Variants in MBTD1 observed in about 807,000 individuals in gnomAD.
MBTD1 encodes the protein MBT domain-containing protein 1.
In MBTD1, 24 loss-of-function variants were observed where a neutral mutation model predicts 87.8. The ratio of observed to expected loss-of-function variants is 0.27; its 90% confidence interval spans 0.20 to 0.38. The LOEUF (loss-of-function observed/expected upper bound fraction) is 0.38. MBTD1 is among the 10% of genes least tolerant of loss of function. The pLI is 1.00. For synonymous variants in MBTD1, 237 were observed against 248.6 expected (o/e 0.95, Z 0.44); for missense variants, 436 against 760.2 (o/e 0.57, Z 5.02).
rs192246795 is a variant in MBTD1, at chr17:51,181,001, T to C, written c.1769-307A>G. ...TTGTACAAACAATGATGTAGTTCTT[T>C]CATGGTTCTGAAGTACAATCTTTTT... On this transcript the variant is annotated intron_variant, in intron 16 of 16. Coordinates refer to ENST00000586178, the MANE Select transcript of MBTD1 (RefSeq NM_017643.3). Among the ~76,000 whole-genome samples, 538 of 151,800 alleles carry C rather than the reference T, an allele frequency of 3.5e-3. 3 individuals carry two copies. The highest frequency in any genetic ancestry group is 6.8e-3 in the Middle Eastern group (2 of 294).
chr17:51,209,942 G>C (rs927460710), intron 6 of MBTD1, among the ~76,000 whole-genome samples: 3 of 152,168 alleles, frequency 2.0e-5, no homozygotes, highest in African/African-American at 7.2e-5. Context: ...ACTACTTACA[G>C]AATTTTCTGG....
At chr17:51,259,341 A>G (rs1312320403) in intron 1 of MBTD1, 135 bp from the exon 2 acceptor site, 15 of 946,844 alleles carry the variant, frequency 1.6e-5, no homozygotes, top group Non-Finnish European at 2.1e-5. Context: ...GCACGTGCCC[A>G]CCCCGCCCCC....
At chr17:51,200,061 G>A (rs1047169334) in intron 12 of MBTD1, among the ~76,000 whole-genome samples, 27 of 152,120 alleles carry the variant, frequency 1.8e-4, no homozygotes, top group African/African-American at 5.6e-4. Flanking sequence ...TCCTGACCTC[G>A]TGATCCGCTT....
chr17:51,204,091 A>C (rs2051659964), intron 7 of MBTD1, among the ~76,000 whole-genome samples, 166 bp from the exon 8 acceptor site: 1 of 152,218 alleles, frequency 6.6e-6, no homozygotes, highest in South Asian at 2.1e-4. Flanking sequence ...CTGATTTTGT[A>C]GATCTTGGGT....
chr17:51,201,766 T>C, intron 11 of MBTD1, 70 bp from the exon 12 acceptor site: 5 of 1,101,022 alleles, frequency 4.5e-6, no homozygotes, highest in East Asian at 4.7e-5. Flanking sequence ...ATATTACCAA[T>C]GTGAAAAGAT....
At position 51,206,862 on chromosome 17, in the gene MBTD1, A is replaced by G. The variant is rs1416166943; in HGVS notation, c.604+26T>C. On this transcript the variant is annotated intron_variant, in intron 7 of 16. Transcript: ENST00000586178. ...GGTTACAAGGATCTCTGCATTTTCT[A>G]CTAAACTATTATTCATGCTTTTCAC... The G allele has an allele frequency of 2.8e-6, 4 of 1,430,952 alleles. No homozygotes were observed. In the East Asian group the frequency reaches 9.1e-5, roughly 33 times the overall value. The allele number at this position is 1,430,952 out of a possible 1,614,324, so 88.6% of individuals were successfully genotyped here.
intron 12 of MBTD1, among the ~76,000 whole-genome samples, chr17:51,200,324 G>A (rs1350437096): frequency 1.3e-5 from 2 of 152,026 alleles, no homozygotes; most frequent in Admixed American, 6.6e-5. Context: ...CTACTCAGGA[G>A]GCTGAGGCAG....
chr17:51,228,609 A>T, intron 2 of MBTD1, among the ~76,000 whole-genome samples: 1 of 24,572 alleles, frequency 4.1e-5, no homozygotes, highest in Non-Finnish European at 8.0e-5. Context: ...AAAAAGGACA[A>T]AAAAAAAAAA....
intron 2 of MBTD1, among the ~76,000 whole-genome samples, chr17:51,252,325 C>T (rs1023834665): frequency 6.6e-6 from 1 of 152,068 alleles, no homozygotes; most frequent in Non-Finnish European, 1.5e-5. Context: ...CTTCTTTCTC[C>T]CCCCTCCCCA....
chr17:51,225,376 CAG>C (rs10550602), intron 2 of MBTD1, among the ~76,000 whole-genome samples, 167 bp from the exon 3 acceptor site: 77,354 of 150,840 alleles, frequency 0.51, 20,144 homozygotes, highest in South Asian at 0.65. Flanking sequence ...TGCTTTGAGA[CAG>C]AGTCTCGCTC....
chr17:51,219,421 A>G (rs550927540), intron 4 of MBTD1, among the ~76,000 whole-genome samples: 12 of 152,310 alleles, frequency 7.9e-5, no homozygotes, highest in African/African-American at 2.9e-4. Flanking sequence ...ATATGGTAAG[A>G]GAAGATAATT....
Position 51,252,738 on chromosome 17 carries a change from A to AAAAAAC in MBTD1, c.-49+6404_-49+6405insGTTTTT, listed in dbSNP as rs564493092. Among the ~76,000 whole-genome samples, 299 of 151,636 alleles carry AAAAAAC rather than the reference A, an allele frequency of 2.0e-3. 1 individual carries two copies. Among genetic ancestry groups the AAAAAAC allele is most frequent in the Non-Finnish European group, 3.5e-3 (236 of 67,826 alleles). ...GACAGAGTGAGACTCTGTCTCAAAA[A>AAAAAAC]AAAACAAAACAACAAAACAAAACCC... On this transcript the variant is annotated intron_variant, in intron 2 of 16. Coordinates refer to ENST00000586178, the MANE Select transcript of MBTD1 (RefSeq NM_017643.3).
chr17:51,211,810 T>A (rs1457333586), intron 6 of MBTD1, among the ~76,000 whole-genome samples: 1 of 152,068 alleles, frequency 6.6e-6, no homozygotes, highest in Non-Finnish European at 1.5e-5. Flanking sequence ...ATGACTCTAC[T>A]TGAAAAAGAT....
chr17:51,241,292 C>G (rs1320659762), intron 2 of MBTD1, among the ~76,000 whole-genome samples: 1 of 151,994 alleles, frequency 6.6e-6, no homozygotes, highest in Non-Finnish European at 1.5e-5. Flanking sequence ...TTTTAATGAC[C>G]TGGTCTAGAT....
intron 2 of MBTD1, 35 bp from the exon 3 acceptor site, chr17:51,225,244 A>G: frequency 7.7e-7 from 1 of 1,290,766 alleles, no homozygotes; most frequent in Non-Finnish European, 1.0e-6. Context: ...CACATGACAC[A>G]ACACTCATAC....
At position 51,255,769 on chromosome 17, in the gene MBTD1, A is replaced by AT. The variant is rs1168953169; in HGVS notation, c.-49+3373dup. Among the ~76,000 whole-genome samples the AT allele has an allele frequency of 8.6e-5, 13 of 150,746 alleles. No homozygotes were observed. In the East Asian group the frequency reaches 1.2e-3, roughly 14 times the overall value. On this transcript the variant is annotated intron_variant, in intron 2 of 16. Coordinates refer to ENST00000586178, the MANE Select transcript of MBTD1 (RefSeq NM_017643.3). Reference sequence around the variant, plus strand: ...TGTGCCACCACACCTAATTTTTGTAATTTTTTTTTGTAGAGACAGGGTTTC... The same window carrying AT: ...TGTGCCACCACACCTAATTTTTGTAATTTTTTTTTTGTAGAGACAGGGTTTC...
chr17:51,240,036 C>T (rs959836898), intron 2 of MBTD1, among the ~76,000 whole-genome samples: 7 of 152,108 alleles, frequency 4.6e-5, no homozygotes, highest in African/African-American at 1.4e-4. Flanking sequence ...AGAGGGAGAC[C>T]TTATCTTTTT....
chr17:51,224,428 A>C (rs2053094400), intron 3 of MBTD1, among the ~76,000 whole-genome samples: 1 of 152,224 alleles, frequency 6.6e-6, no homozygotes, highest in African/African-American at 2.4e-5. Flanking sequence ...AGACTCCCAG[A>C]AGCAAAGTTA....
At chr17:51,224,454 G>C (rs1428695877) in intron 3 of MBTD1, among the ~76,000 whole-genome samples, 1 of 152,162 alleles carries the variant, frequency 6.6e-6, no homozygotes, top group Non-Finnish European at 1.5e-5. Context: ...GCAAAACTAA[G>C]ACCAAAAGAT....
Sources: gnomAD v4.1 joint callset for allele counts (sites outside exome capture counted in the v4.1 genomes callset) on GRCh38, gnomAD v4.1.1 for gene constraint, MANE v1.5 for transcripts, NCBI Gene and HGNC (gene_info 2026-07-23, HGNC 2026-07-21) for gene names.